Variants in GSG1L observed in about 807,000 individuals in gnomAD.
GSG1L encodes germ cell-specific gene 1-like protein.
In GSG1L, 24 loss-of-function variants were observed where a neutral mutation model predicts 42.1. The observed-to-expected ratio is 0.57, with a 90% CI of 0.41 to 0.80. The LOEUF (loss-of-function observed/expected upper bound fraction) is 0.80, where lower values mean the gene tolerates loss of function less well. GSG1L is among the 30% of genes least tolerant of loss of function. The pLI is 0.00. For missense variants in GSG1L, 445 were observed against 472.2 expected (o/e 0.94, Z 0.53); for synonymous variants, 215 against 203.5 (o/e 1.06, Z -0.48).
intron 3 of GSG1L, among the ~76,000 whole-genome samples, chr16:27,856,416 C>T (rs556260356): frequency 2.0e-5 from 3 of 152,278 alleles, no homozygotes; most frequent in East Asian, 1.9e-4. Flanking sequence ...TGGGCTCAAG[C>T]GAGCCCCCCA....
chr16:27,979,072 C>A (rs1183343801), intron 1 of GSG1L, among the ~76,000 whole-genome samples: 1 of 152,086 alleles, frequency 6.6e-6, no homozygotes, highest in Non-Finnish European at 1.5e-5. Flanking sequence ...GCCAAGTGAT[C>A]TCAGGGAGTG....
chr16:27,879,795 T>G (rs893174055), intron 3 of GSG1L, among the ~76,000 whole-genome samples: 1 of 151,542 alleles, frequency 6.6e-6, no homozygotes, highest in Non-Finnish European at 1.5e-5. Flanking sequence ...ATTTATTATT[T>G]TTATTGTATT....
At chr16:27,944,665 C>CA (rs1408416280) in intron 2 of GSG1L, among the ~76,000 whole-genome samples, 1 of 150,842 alleles carries the variant, frequency 6.6e-6, no homozygotes, top group Admixed American at 6.6e-5. Context: ...ACACCCACCA[C>CA]ATTATGAATG....
intron 2 of GSG1L, among the ~76,000 whole-genome samples, chr16:27,962,030 C>T (rs2085078250): frequency 6.6e-6 from 1 of 152,178 alleles, no homozygotes; most frequent in Admixed American, 6.5e-5. Context: ...AGCCCAGAGC[C>T]CTCTCTTAAT....
At chr16:27,845,090 C>T in intron 3 of GSG1L, 29 bp from the exon 4 acceptor site, 1 of 1,510,126 alleles carries the variant, frequency 6.6e-7, no homozygotes, top group Non-Finnish European at 9.2e-7. Flanking sequence ...AGCAAAGCGT[C>T]AGGAAGTAAG....
chr16:27,904,348 G>T (rs2084295620), intron 2 of GSG1L, among the ~76,000 whole-genome samples: 1 of 152,102 alleles, frequency 6.6e-6, no homozygotes, highest in South Asian at 2.1e-4. Flanking sequence ...GGGATTATGG[G>T]TGTCAGCCAC....
At chr16:28,004,237 G>T (rs1325403132) in intron 1 of GSG1L, among the ~76,000 whole-genome samples, 1 of 152,208 alleles carries the variant, frequency 6.6e-6, no homozygotes, top group Admixed American at 6.5e-5. Context: ...TGCCGCCAAG[G>T]CCCCAAGAAC....
intron 6 of GSG1L, among the ~76,000 whole-genome samples, chr16:27,803,259 G>A (rs1275333247): frequency 3.3e-5 from 5 of 151,862 alleles, no homozygotes; most frequent in East Asian, 1.9e-4. Context: ...TTTCTCCATC[G>A]CGCCCCAAGC....
At chr16:27,892,318 G>A (rs1318839542) in intron 2 of GSG1L, among the ~76,000 whole-genome samples, 1 of 151,850 alleles carries the variant, frequency 6.6e-6, no homozygotes, top group East Asian at 1.9e-4. Context: ...AGCCAGGCAT[G>A]GTGGCGCGTG....
At chr16:27,973,279 G>A (rs1161659829) in intron 1 of GSG1L, among the ~76,000 whole-genome samples, 1 of 151,624 alleles carries the variant, frequency 6.6e-6, no homozygotes, top group African/African-American at 2.4e-5. Context: ...GTGAAACCCC[G>A]TCTCTACTGA....
At chr16:28,019,716 T>C (rs985158641) in intron 1 of GSG1L, among the ~76,000 whole-genome samples, 4 of 152,330 alleles carry the variant, frequency 2.6e-5, no homozygotes, top group African/African-American at 4.8e-5. Flanking sequence ...AAAGGGTCAC[T>C]GTAATTGTGG....
At chr16:27,908,520 A>G (rs923942599) in intron 2 of GSG1L, among the ~76,000 whole-genome samples, 3 of 152,138 alleles carry the variant, frequency 2.0e-5, no homozygotes, top group Non-Finnish European at 4.4e-5. Flanking sequence ...ATAACAGAAT[A>G]CCAGAGACTG....
chr16:27,868,680 T>C (rs1455296064), intron 3 of GSG1L, among the ~76,000 whole-genome samples: 1 of 152,054 alleles, frequency 6.6e-6, no homozygotes, highest in Non-Finnish European at 1.5e-5. Flanking sequence ...TGGCTTCTCT[T>C]GTAAAAAATC....
intron 5 of GSG1L, among the ~76,000 whole-genome samples, chr16:27,828,050 TCATCCATCCATCCATC>T (rs57317132): frequency 6.1e-4 from 80 of 131,074 alleles, no homozygotes; most frequent in Non-Finnish European, 1.2e-3. Flanking sequence ...ATCCACCCAA[TCATCCATCCATCCATC>T]CATCCATCCA....
chr16:27,981,957 A>T (rs2085331008), intron 1 of GSG1L, among the ~76,000 whole-genome samples: 1 of 152,218 alleles, frequency 6.6e-6, no homozygotes, highest in Admixed American at 6.5e-5. Flanking sequence ...TCTGGGTCTT[A>T]GTTTCCACAT....
chr16:27,960,943 C>A (rs1201045531), intron 2 of GSG1L, among the ~76,000 whole-genome samples: 1 of 152,134 alleles, frequency 6.6e-6, no homozygotes, highest in South Asian at 2.1e-4. Flanking sequence ...AAGATACAAC[C>A]TCTTTGGGGT....
At chr16:28,012,921 G>T (rs1194937588) in intron 1 of GSG1L, among the ~76,000 whole-genome samples, 1 of 148,864 alleles carries the variant, frequency 6.7e-6, no homozygotes, top group Non-Finnish European at 1.5e-5. Flanking sequence ...TTACTTCAAT[G>T]CAATTTATAA....
chr16:27,925,737 G>T (rs902374214), intron 2 of GSG1L, among the ~76,000 whole-genome samples: 2 of 152,166 alleles, frequency 1.3e-5, no homozygotes, highest in Non-Finnish European at 2.9e-5. Flanking sequence ...GTGCCTTCAC[G>T]TTAGGACAGG....
chr16:27,966,635 T>C (rs2141111678), intron 1 of GSG1L, among the ~76,000 whole-genome samples: 1 of 152,244 alleles, frequency 6.6e-6, no homozygotes, highest in South Asian at 2.1e-4. Context: ...CAGTCTTTCC[T>C]CCCAGGCCTC....
Sources: allele counts gnomAD v4.1 joint callset (sites outside exome capture counted in the v4.1 genomes callset), GRCh38; gene constraint gnomAD v4.1.1; transcripts MANE v1.5; gene names NCBI Gene and HGNC (gene_info 2026-07-23, HGNC 2026-07-21).